Variants in VPS13B observed in about 807,000 individuals in gnomAD.
VPS13B encodes vacuolar protein sorting 13 homolog B.
VPS13B carries 285 observed loss-of-function variants against 426.4 expected under a neutral mutation model. The ratio of observed to expected loss-of-function variants is 0.67; its 90% confidence interval spans 0.61 to 0.74. The LOEUF is 0.74. VPS13B is among the 30% of genes least tolerant of loss of function. The pLI is 0.00. For missense variants in VPS13B, 4,537 were observed against 4,782.6 expected, an observed-to-expected ratio of 0.95 and a Z score of 1.51; for synonymous variants, 1,676 against 1,676.4, an observed-to-expected ratio of 1.00 and a Z score of 0.01.
At chr8:99,458,658 T>C (rs1385933006) in intron 23 of VPS13B, among the ~76,000 whole-genome samples, 1 of 152,260 alleles carries the variant, frequency 6.6e-6, no homozygotes, top group African/African-American at 2.4e-5. Context: ...TTTGCACTTC[T>C]CTGATGGCCA....
chr8:99,116,664 G>C (rs879873203), intron 7 of VPS13B, among the ~76,000 whole-genome samples: 2 of 151,644 alleles, frequency 1.3e-5, no homozygotes, highest in African/African-American at 2.4e-5. Context: ...AAACTCCTAG[G>C]CATAAGCTAT....
chr8:99,192,078 C>T (rs973918000), intron 16 of VPS13B, among the ~76,000 whole-genome samples: 9 of 152,024 alleles, frequency 5.9e-5, no homozygotes, highest in Admixed American at 5.2e-4. Flanking sequence ...TCTATTTTAT[C>T]TTGCATGTTT....
chr8:99,108,527 A>C (rs1330427688), intron 5 of VPS13B, among the ~76,000 whole-genome samples: 2 of 152,154 alleles, frequency 1.3e-5, no homozygotes, highest in African/African-American at 4.8e-5. Context: ...CATTTATTGA[A>C]GAGACTGTTC....
intron 31 of VPS13B, among the ~76,000 whole-genome samples, chr8:99,568,968 C>T (rs1355528166): frequency 1.3e-5 from 2 of 151,870 alleles, no homozygotes; most frequent in African/African-American, 2.4e-5. Flanking sequence ...CCCGCCACCA[C>T]GCCCGGCTAA....
intron 19 of VPS13B, among the ~76,000 whole-genome samples, chr8:99,320,442 C>T (rs1328649443): frequency 2.6e-5 from 4 of 152,004 alleles, no homozygotes; most frequent in Non-Finnish European, 4.4e-5. Context: ...GTGATTTTGG[C>T]CAATTAATGT....
intron 19 of VPS13B, among the ~76,000 whole-genome samples, chr8:99,365,913 G>A (rs992182967): frequency 1.3e-5 from 2 of 149,698 alleles, no homozygotes; most frequent in Admixed American, 6.7e-5. Flanking sequence ...TTACTGATTT[G>A]TAGTTTTATT....
intron 21 of VPS13B, among the ~76,000 whole-genome samples, chr8:99,420,106 A>G (rs887661943): frequency 1.3e-5 from 2 of 152,302 alleles, no homozygotes; most frequent in South Asian, 4.1e-4. Flanking sequence ...TAAGGCTTTT[A>G]CTTAGCAGAT....
Position 99,108,353 on chromosome 8 carries a change from G to A in VPS13B, c.581-2745G>A, listed in dbSNP as rs6992726. On this transcript the variant is annotated intron_variant, in intron 5 of 61. Coordinates refer to ENST00000357162, the MANE Select transcript of VPS13B (RefSeq NM_152564.5). ...GGTAGAAAGATTTATATTCATAAGC[G>A]TGTTGCCTATGCTTTTGAGGTCTTA... is the stretch of plus-strand genomic sequence containing the variant. Among the ~76,000 whole-genome samples the A allele has an allele frequency of 3.5e-3, 540 of 152,232 alleles. 6 individuals carry two copies. The highest frequency in any genetic ancestry group is 0.012 in the African/African-American group (513 of 41,548).
At chr8:99,533,998 C>A (rs546525093) in intron 30 of VPS13B, among the ~76,000 whole-genome samples, 1 of 152,166 alleles carries the variant, frequency 6.6e-6, no homozygotes, top group African/African-American at 2.4e-5. Context: ...AGGTATGTTT[C>A]GTATCTGGTG....
intron 19 of VPS13B, among the ~76,000 whole-genome samples, chr8:99,331,314 C>T (rs1810529757): frequency 6.6e-6 from 1 of 151,788 alleles, no homozygotes; most frequent in Admixed American, 6.6e-5. Context: ...CATTGCGTTA[C>T]TCACTAGTCA....
chr8:99,079,166 A>G (rs1178160001), intron 3 of VPS13B, among the ~76,000 whole-genome samples: 2 of 152,022 alleles, frequency 1.3e-5, no homozygotes, highest in Non-Finnish European at 2.9e-5. Context: ...GTTGATCCCC[A>G]GGCCCCAGAT....
chr8:99,875,226 C>G, intron 61 of VPS13B, 192 bp from the exon 62 acceptor site: 1 of 771,522 alleles, frequency 1.3e-6, no homozygotes, highest in Non-Finnish European at 2.2e-6. Context: ...GCACAACTTT[C>G]AGTTATACTG....
At chr8:99,102,409 A>G (rs531006500) in intron 4 of VPS13B, among the ~76,000 whole-genome samples, 1 of 152,254 alleles carries the variant, frequency 6.6e-6, no homozygotes, top group East Asian at 1.9e-4. Context: ...AAATATTAGT[A>G]AGTGAGTAGA....
chr8:99,593,379 GA>G (rs1826794358), intron 33 of VPS13B, among the ~76,000 whole-genome samples: 1 of 152,086 alleles, frequency 6.6e-6, no homozygotes, highest in African/African-American at 2.4e-5. Context: ...ACACCAGTCA[GA>G]ATGGCTATTC....
At chr8:99,868,491 C>G (rs764382733) in intron 59 of VPS13B, 26 bp downstream of exon 59, 2 of 1,588,516 alleles carry the variant, frequency 1.3e-6, no homozygotes, top group South Asian at 2.3e-5. Context: ...ACCCATCAGG[C>G]CAACCCAGAC....
intron 19 of VPS13B, among the ~76,000 whole-genome samples, chr8:99,350,696 A>C (rs1194835357): frequency 6.6e-6 from 1 of 152,182 alleles, no homozygotes; most frequent in Non-Finnish European, 1.5e-5. Context: ...AGCAACTAAA[A>C]TAAATCACTT....
At chr8:99,128,229 A>G (rs1333885686) in intron 8 of VPS13B, among the ~76,000 whole-genome samples, 8 of 151,692 alleles carry the variant, frequency 5.3e-5, no homozygotes, top group Non-Finnish European at 1.0e-4. Flanking sequence ...TTTACTAAAA[A>G]TAGAGAAATT....
At chr8:99,589,116 G>T (rs556643064) in intron 33 of VPS13B, among the ~76,000 whole-genome samples, 1 of 151,858 alleles carries the variant, frequency 6.6e-6, no homozygotes, top group African/African-American at 2.4e-5. Context: ...ATTTGCATAT[G>T]TTGAACCAGC....
chr8:99,205,755 G>A (rs1251188656), intron 17 of VPS13B, among the ~76,000 whole-genome samples: 1 of 152,100 alleles, frequency 6.6e-6, no homozygotes, highest in Non-Finnish European at 1.5e-5. Flanking sequence ...TTTATGCTTA[G>A]AACAATTTAG....
Sources: allele counts gnomAD v4.1 joint callset (sites outside exome capture counted in the v4.1 genomes callset), GRCh38; gene constraint gnomAD v4.1.1; transcripts MANE v1.5; gene names NCBI Gene and HGNC (gene_info 2026-07-23, HGNC 2026-07-21).